The following TENM1 variants were observed in gnomAD, a reference collection of about 807,000 sequenced individuals.
The protein encoded by TENM1 is teneurin transmembrane protein 1, also known as teneurin-1.
A neutral mutation model predicts 174.8 loss-of-function variants in TENM1; 35 were observed. That is an observed-to-expected ratio of 0.20 (90% CI 0.15 to 0.27). The LOEUF (loss-of-function observed/expected upper bound fraction) is 0.27. TENM1 is among the 10% of genes least tolerant of loss of function. The pLI, the probability that TENM1 is intolerant of heterozygous loss-of-function variation, is 1.00. For missense variants in TENM1, 1,633 were observed against 2,130.1 expected, an observed-to-expected ratio of 0.77 and a Z score of 4.59; for synonymous variants, 781 against 798.7, an observed-to-expected ratio of 0.98 and a Z score of 0.37.
chrX:124,786,774 A>C (rs762806180), intron 3 of TENM1, among the ~76,000 whole-genome samples: 2 of 111,549 alleles, frequency 1.8e-5, no homozygotes, highest in Non-Finnish European at 3.8e-5. Context: ...ATATGGACAA[A>C]GCTAGTAATT....
chrX:124,720,046 T>G (rs1236035844), intron 4 of TENM1, among the ~76,000 whole-genome samples: 2 of 111,319 alleles, frequency 1.8e-5, no homozygotes, highest in Non-Finnish European at 3.8e-5. Flanking sequence ...CAAGGCAGAG[T>G]AGACTTCTAT....
intron 14 of TENM1, among the ~76,000 whole-genome samples, chrX:124,559,534 G>T (rs1021095297): frequency 3.6e-5 from 4 of 109,987 alleles, no homozygotes; most frequent in Non-Finnish European, 5.7e-5. Context: ...CAGGAGTGGT[G>T]GTGTGTGCCT....
At chrX:124,911,088 T>G (rs753831768) in intron 1 of TENM1, among the ~76,000 whole-genome samples, 1 of 110,120 alleles carries the variant, frequency 9.1e-6, no homozygotes, top group Non-Finnish European at 1.9e-5. Context: ...GCTAATTTTT[T>G]AATTTTTTAT....
the TENM1 span, among the ~76,000 whole-genome samples, chrX:125,024,898 T>G: frequency 1.9e-4 from 19 of 101,189 alleles, no homozygotes; most frequent in Admixed American, 2.1e-3. Flanking sequence ...TAGCTCTCAC[T>G]AAATCTCTGG....
intron 8 of TENM1, among the ~76,000 whole-genome samples, chrX:124,650,387 G>C (rs944680762): frequency 9.0e-6 from 1 of 110,711 alleles, no homozygotes; most frequent in Non-Finnish European, 1.9e-5. Flanking sequence ...ATTAAGCAAA[G>C]AGCAAATATG....
At chrX:125,063,988 G>T in the TENM1 span, among the ~76,000 whole-genome samples, 5 of 110,670 alleles carry the variant, frequency 4.5e-5, no homozygotes, top group East Asian at 1.2e-3. Context: ...CCATAAAAAA[G>T]GATGAGTTCA....
chrX:124,850,359 C>A (rs757089968), intron 3 of TENM1, among the ~76,000 whole-genome samples: 1 of 111,416 alleles, frequency 9.0e-6, no homozygotes, highest in Non-Finnish European at 1.9e-5. Context: ...CACATAATTT[C>A]CTTTTTGATT....
At chrX:125,170,588 G>T in the TENM1 span, among the ~76,000 whole-genome samples, 2 of 111,244 alleles carry the variant, frequency 1.8e-5, no homozygotes, top group African/African-American at 6.5e-5. Context: ...TAGGACAGTT[G>T]AAGAAGTTGA....
chrX:124,624,587 T>A (rs753439735), intron 11 of TENM1, among the ~76,000 whole-genome samples: 4 of 111,620 alleles, frequency 3.6e-5, no homozygotes, highest in African/African-American at 6.5e-5. Context: ...AGAGGTTAGG[T>A]AATTTGGTTA....
chrX:124,651,834 AC>A, intron 8 of TENM1, 79 bp downstream of exon 11: 13 of 1,124,217 alleles, frequency 1.2e-5, no homozygotes, highest in Non-Finnish European at 1.3e-5. Context: ...AGCTTAAATA[AC>A]CCCCAGGACA....
the TENM1 span, among the ~76,000 whole-genome samples, chrX:124,977,967 TGAGAGAGAGAGAGAGAGAGAGAGA>T: frequency 7.6e-3 from 252 of 33,077 alleles, 2 homozygotes; most frequent in African/African-American, 0.027. Flanking sequence ...TGTGTGTGTG[TGAGAGAGAGAGAGAGAGAGAGAGA>T]GAGAGAGAGA....
At chrX:125,106,556 C>A in the TENM1 span, among the ~76,000 whole-genome samples, 1 of 110,073 alleles carries the variant, frequency 9.1e-6, no homozygotes, top group South Asian at 3.9e-4. Flanking sequence ...ACTACGGGCG[C>A]CCGCCACCAC....
Position 124,693,691 on chromosome X carries a change from T to C in TENM1, c.1015+11322A>G, listed in dbSNP as rs1470014160. On this transcript the variant is annotated intron_variant, in intron 5 of 31. Coordinates refer to ENST00000422452, the Ensembl canonical transcript of TENM1. ...TTTTTCATATCTTCAAATGTTTGTT[T>C]AAGGCTTATTAGGACTGAGATGTTT... Among the ~76,000 whole-genome samples the C allele has an allele frequency of 9.0e-5, 10 of 111,703 alleles. No homozygotes were observed. The Admixed American group carries it at 9.5e-4, about 11-fold the overall frequency.
intron 14 of TENM1, among the ~76,000 whole-genome samples, chrX:124,552,935 T>G (rs2048607788): frequency 9.0e-6 from 1 of 111,637 alleles, no homozygotes; most frequent in African/African-American, 3.3e-5. Flanking sequence ...CGTCCTACAC[T>G]CCCTGTCCTT....
intron 12 of TENM1, among the ~76,000 whole-genome samples, chrX:124,564,165 T>A (rs1282412223): frequency 1.8e-5 from 2 of 111,539 alleles, no homozygotes; most frequent in Non-Finnish European, 3.8e-5. Flanking sequence ...AATCCTCTTA[T>A]GTAAAGGCAA....
chrX:124,791,501 T>C (rs12836591), intron 3 of TENM1, among the ~76,000 whole-genome samples: 2 of 112,110 alleles, frequency 1.8e-5, no homozygotes, highest in African/African-American at 6.5e-5. Context: ...TCTTTTAATA[T>C]GCATGGACAA....
intron 3 of TENM1, among the ~76,000 whole-genome samples, chrX:124,822,278 A>G (rs1450447599): frequency 8.9e-6 from 1 of 112,613 alleles, no homozygotes; most frequent in Non-Finnish European, 1.9e-5. Context: ...TGGTCCCTGC[A>G]TAGTGACAGA....
chrX:124,521,590 A>C (rs1030994747), intron 17 of TENM1, among the ~76,000 whole-genome samples: 2 of 112,307 alleles, frequency 1.8e-5, no homozygotes, highest in Non-Finnish European at 3.8e-5. Context: ...ATCACCACAG[A>C]TAAAGTTAAA....
intron 15 of TENM1, among the ~76,000 whole-genome samples, chrX:124,534,927 G>A (rs995238668): frequency 1.8e-5 from 2 of 111,980 alleles, no homozygotes; most frequent in South Asian, 3.8e-4. Context: ...AGCTACTGGG[G>A]TCTCTGTTGG....
Sources: gnomAD v4.1 joint callset for allele counts (sites outside exome capture counted in the v4.1 genomes callset) on GRCh38, gnomAD v4.1.1 for gene constraint, MANE v1.5 for transcripts, NCBI Gene and HGNC (gene_info 2026-07-23, HGNC 2026-07-21) for gene names.